PDS5A: variants seen among roughly 807,000 people sequenced by gnomAD.
The protein encoded by PDS5A is sister chromatid cohesion protein PDS5 homolog A.
PDS5A carries 42 observed loss-of-function variants against 167.1 expected under a neutral mutation model. The ratio of observed to expected loss-of-function variants is 0.25; its 90% CI spans 0.20 to 0.33. PDS5A has a LOEUF of 0.33. Ranked by LOEUF, PDS5A falls within the 10% of genes least tolerant of loss-of-function variation. The pLI is 1.00. For missense variants in PDS5A, 1,033 were observed against 1,605.9 expected, an observed-to-expected ratio of 0.64 and a Z score of 6.10; for synonymous variants, 553 against 554.6, an observed-to-expected ratio of 1.00 and a Z score of 0.04.
chr4:39,884,958 C>G (rs1324756151), intron 17 of PDS5A, among the ~76,000 whole-genome samples: 1 of 151,996 alleles, frequency 6.6e-6, no homozygotes, highest in East Asian at 1.9e-4. Flanking sequence ...ATATTAACCC[C>G]AATCCTTTCT....
intron 2 of PDS5A, among the ~76,000 whole-genome samples, chr4:39,951,039 C>T (rs1728302551): frequency 2.0e-5 from 3 of 152,106 alleles, no homozygotes; most frequent in Admixed American, 2.0e-4. Flanking sequence ...GTAGCTGGGA[C>T]TACAGGAATG....
At chr4:39,911,083 A>G (rs1341933358) in intron 9 of PDS5A, among the ~76,000 whole-genome samples, 5 of 152,284 alleles carry the variant, frequency 3.3e-5, no homozygotes, top group Admixed American at 1.3e-4. Flanking sequence ...GCAGTAAGCC[A>G]TAATTGTGCC....
chr4:39,972,894 T>C (rs1465962035), intron 2 of PDS5A, among the ~76,000 whole-genome samples: 1 of 148,622 alleles, frequency 6.7e-6, no homozygotes, highest in Non-Finnish European at 1.5e-5. Flanking sequence ...CTTTATATTT[T>C]ATTATTTTTT....
At chr4:39,947,240 G>C (rs1002908927) in intron 2 of PDS5A, among the ~76,000 whole-genome samples, 1 of 152,148 alleles carries the variant, frequency 6.6e-6, no homozygotes, top group African/African-American at 2.4e-5. Flanking sequence ...GACCACTTGA[G>C]GTCAAGAGCT....
At chr4:39,944,154 G>C (rs1727514277) in intron 2 of PDS5A, among the ~76,000 whole-genome samples, 1 of 143,676 alleles carries the variant, frequency 7.0e-6, no homozygotes, top group African/African-American at 2.6e-5. Context: ...AGTCCAGCCT[G>C]GGAAACAGAG....
intron 2 of PDS5A, among the ~76,000 whole-genome samples, chr4:39,940,458 T>G (rs1727118671): frequency 6.6e-6 from 1 of 152,154 alleles, no homozygotes; most frequent in Non-Finnish European, 1.5e-5. Context: ...TATGCACCTT[T>G]TATGTTACAT....
chr4:39,884,463 C>T (rs528674635), intron 17 of PDS5A, among the ~76,000 whole-genome samples: 13 of 152,308 alleles, frequency 8.5e-5, no homozygotes, highest in Non-Finnish European at 1.3e-4. Context: ...CTGTGTACCA[C>T]GATGTACATG....
chr4:39,879,851 T>C lies in PDS5A; in HGVS notation c.1887-18A>G, dbSNP rs1274309492. On this transcript the variant is annotated intron_variant, in intron 17 of 32. Coordinates refer to ENST00000303538, the MANE Select transcript of PDS5A (RefSeq NM_001100399.2). Reference sequence around the variant, plus strand: ...CTAGTGCACTATAAAAAGAAGAAAATATAAATCAGTAACCACTGTAGTAGT... The same window carrying C: ...CTAGTGCACTATAAAAAGAAGAAAACATAAATCAGTAACCACTGTAGTAGT... 2 of 1,379,350 alleles carry C rather than the reference T, an allele frequency of 1.4e-6. No homozygotes were observed. Among genetic ancestry groups the C allele is most frequent in the Non-Finnish European group, 1.0e-6 (1 of 967,134 alleles). 85.4% of individuals were successfully genotyped at this position (1,379,350 alleles called of 1,614,324 possible). A position where few individuals can be genotyped will look rare whatever the true frequency, so the allele number is the denominator to read the frequency against.
At chr4:39,907,521 C>A (rs1344066652) in intron 11 of PDS5A, among the ~76,000 whole-genome samples, 5 of 152,078 alleles carry the variant, frequency 3.3e-5, no homozygotes, top group Non-Finnish European at 7.4e-5. Flanking sequence ...CTTGTTTACA[C>A]CTGACGCTAT....
chr4:39,898,835 A>C lies in PDS5A; in HGVS notation c.1582-10T>G. On this transcript the variant is annotated splice_polypyrimidine_tract_variant and intron_variant, in intron 14 of 32. Transcript: ENST00000303538. Reference sequence around the variant, plus strand: ...AACAGTTAGCCTCTGACTGAAATTTAAAACAGAAACAAAAGAACAACTAGT... The same window carrying C: ...AACAGTTAGCCTCTGACTGAAATTTCAAACAGAAACAAAAGAACAACTAGT... 1 of 1,577,392 alleles carries C rather than the reference A, an allele frequency of 6.3e-7. No individual in the cohort carries two copies. Among genetic ancestry groups the C allele is most frequent in the Non-Finnish European group, 8.7e-7 (1 of 1,156,020 alleles).
intron 23 of PDS5A, among the ~76,000 whole-genome samples, chr4:39,864,746 T>C (rs1221985559): frequency 6.6e-6 from 1 of 152,184 alleles, no homozygotes; most frequent in Non-Finnish European, 1.5e-5. Context: ...GAGTGCTTAC[T>C]CCGTGCCAGG....
intron 13 of PDS5A, among the ~76,000 whole-genome samples, chr4:39,901,223 A>G (rs562303616): frequency 2.0e-5 from 3 of 152,086 alleles, no homozygotes; most frequent in East Asian, 1.9e-4. Context: ...ACACTATCGT[A>G]ATAGAATTTC....
At chr4:39,930,246 A>AAAAAAAAAAAAAATTTTTTTTTTTT in intron 2 of PDS5A, among the ~76,000 whole-genome samples, 3 of 93,090 alleles carry the variant, frequency 3.2e-5, no homozygotes, top group Non-Finnish European at 6.7e-5. Context: ...AAAAAAAAAA[A>AAAAAAAAAAAAAATTTTTTTTTTTT]GTTTTTTTGT....
At chr4:39,975,686 C>A (rs1236650359) in intron 2 of PDS5A, among the ~76,000 whole-genome samples, 1 of 152,180 alleles carries the variant, frequency 6.6e-6, no homozygotes, top group Non-Finnish European at 1.5e-5. Flanking sequence ...ATGTCTCCAG[C>A]ATTGCCAAAC....
intron 2 of PDS5A, among the ~76,000 whole-genome samples, chr4:39,940,739 A>G (rs1313935411): frequency 1.3e-5 from 2 of 152,222 alleles, no homozygotes; most frequent in African/African-American, 2.4e-5. Context: ...TGCAGCCTCC[A>G]CCTCCAGGGC....
At chr4:39,907,103 A>G (rs1723443840) in intron 11 of PDS5A, among the ~76,000 whole-genome samples, 1 of 152,134 alleles carries the variant, frequency 6.6e-6, no homozygotes, top group African/African-American at 2.4e-5. Context: ...CATTTATTCA[A>G]CTTTCTGAAA....
chr4:39,970,378 G>A (rs1187199420), intron 2 of PDS5A, among the ~76,000 whole-genome samples: 1 of 150,290 alleles, frequency 6.7e-6, no homozygotes, highest in Non-Finnish European at 1.5e-5. Flanking sequence ...CTCTTTCAAA[G>A]ACATACTCTA....
intron 28 of PDS5A, 125 bp from the exon 29 acceptor site, chr4:39,846,005 CAT>C (rs1396302899): frequency 2.6e-6 from 2 of 783,066 alleles, no homozygotes; most frequent in Non-Finnish European, 3.4e-6. Flanking sequence ...TGTGCTAACA[CAT>C]ATACCAATTT....
intron 17 of PDS5A, among the ~76,000 whole-genome samples, chr4:39,884,485 T>C (rs1017376042): frequency 6.6e-6 from 1 of 152,360 alleles, no homozygotes; most frequent in Non-Finnish European, 1.5e-5. Context: ...TGGAAAGGAC[T>C]GTCCTATGCC....
Sources: allele counts gnomAD v4.1 joint callset (sites outside exome capture counted in the v4.1 genomes callset), GRCh38; gene constraint gnomAD v4.1.1; transcripts MANE v1.5; gene names NCBI Gene and HGNC (gene_info 2026-07-23, HGNC 2026-07-21).